NEK11: variants seen among roughly 807,000 people sequenced by gnomAD.
NEK11 encodes the protein serine/threonine-protein kinase Nek11.
NEK11 carries 72 observed loss-of-function variants against 80.7 expected under a neutral mutation model. The ratio of observed to expected loss-of-function variants is 0.89; its 90% CI spans 0.74 to 1.08. The LOEUF (loss-of-function observed/expected upper bound fraction) is 1.08. Ranked by LOEUF, NEK11 falls within the 50% of genes least tolerant of loss-of-function variation. NEK11 has a pLI of 0.00. For synonymous variants in NEK11, 251 were observed against 260.7 expected, an observed-to-expected ratio of 0.96 and a Z score of 0.36; for missense variants, 764 against 763.6, an observed-to-expected ratio of 1.00 and a Z score of -0.01.
intron 16 of NEK11, among the ~76,000 whole-genome samples, chr3:131,257,713 G>A (rs2095841674): frequency 3.3e-5 from 5 of 152,108 alleles, no homozygotes; most frequent in Admixed American, 3.3e-4. Context: ...AAGTGAGAAC[G>A]CATCCTGGTG....
chr3:131,232,066 T>C (rs941544364), intron 15 of NEK11, among the ~76,000 whole-genome samples: 2 of 152,182 alleles, frequency 1.3e-5, no homozygotes, highest in Admixed American at 1.3e-4. Flanking sequence ...AAGCACCTAA[T>C]TGCTGATGAT....
chr3:131,331,335 T>G (rs887858322), intron 17 of NEK11, among the ~76,000 whole-genome samples: 2 of 152,202 alleles, frequency 1.3e-5, no homozygotes, highest in African/African-American at 4.8e-5. Context: ...ATTTTTAAGT[T>G]CTGATGCTTT....
chr3:131,332,014 G>A (rs1263376160), intron 17 of NEK11, among the ~76,000 whole-genome samples: 2 of 152,226 alleles, frequency 1.3e-5, no homozygotes, highest in African/African-American at 4.8e-5. Flanking sequence ...GCCTGCCTCT[G>A]TAGGCTCCAC....
At chr3:131,175,587 G>A (rs2092959006) in intron 14 of NEK11, among the ~76,000 whole-genome samples, 1 of 152,122 alleles carries the variant, frequency 6.6e-6, no homozygotes, top group Non-Finnish European at 1.5e-5. Flanking sequence ...GTGGTTGCCT[G>A]GGGGTGGTAG....
intron 3 of NEK11, among the ~76,000 whole-genome samples, chr3:131,063,250 C>G (rs1184953022): frequency 6.6e-6 from 1 of 152,138 alleles, no homozygotes; most frequent in African/African-American, 2.4e-5. Flanking sequence ...GTCTGAAGCT[C>G]CTGGACTTAA....
At chr3:131,298,459 C>G (rs1442527299) in intron 17 of NEK11, among the ~76,000 whole-genome samples, 2 of 152,168 alleles carry the variant, frequency 1.3e-5, no homozygotes, top group Admixed American at 6.5e-5. Flanking sequence ...TGATTTGGCT[C>G]TCTGTCAGCC....
chr3:131,098,557 C>T (rs945488179), intron 4 of NEK11, among the ~76,000 whole-genome samples: 1 of 150,422 alleles, frequency 6.6e-6, no homozygotes, highest in African/African-American at 2.4e-5. Context: ...TGAGGAGTGC[C>T]TGTTCATGTC....
chr3:131,274,798 C>T (rs1264229899), intron 17 of NEK11, among the ~76,000 whole-genome samples: 2 of 151,408 alleles, frequency 1.3e-5, no homozygotes, highest in East Asian at 1.9e-4. Context: ...GGACTACAGG[C>T]GCCTGCCACC....
At chr3:131,167,006 A>G (rs2092297215) in intron 12 of NEK11, among the ~76,000 whole-genome samples, 1 of 152,216 alleles carries the variant, frequency 6.6e-6, no homozygotes, top group African/African-American at 2.4e-5. Flanking sequence ...GGCTGACAGA[A>G]TTATAAGAAT....
chr3:131,157,991 C>G (rs2090958461), intron 10 of NEK11, among the ~76,000 whole-genome samples: 2 of 152,048 alleles, frequency 1.3e-5, no homozygotes, highest in Admixed American at 6.5e-5. Context: ...GGAGACCATC[C>G]CCCTAGGCTT....
At chr3:131,159,584 G>A (rs913319032) in intron 10 of NEK11, among the ~76,000 whole-genome samples, 1 of 152,148 alleles carries the variant, frequency 6.6e-6, no homozygotes, top group Non-Finnish European at 1.5e-5. Flanking sequence ...TGGCCAACAT[G>A]GGGAAACCCC....
At chr3:131,110,249 A>G (rs2149350346) in intron 5 of NEK11, among the ~76,000 whole-genome samples, 1 of 152,262 alleles carries the variant, frequency 6.6e-6, no homozygotes, top group Non-Finnish European at 1.5e-5. Context: ...CTATGAATTT[A>G]TTGTATCTTA....
At chr3:131,195,084 C>T (rs554431219) in intron 14 of NEK11, among the ~76,000 whole-genome samples, 3 of 152,258 alleles carry the variant, frequency 2.0e-5, no homozygotes, top group African/African-American at 7.2e-5. Flanking sequence ...GTCTCCTGCC[C>T]GCAACGAGTT....
At chr3:131,318,633 G>A (rs960956224) in intron 17 of NEK11, among the ~76,000 whole-genome samples, 1 of 151,818 alleles carries the variant, frequency 6.6e-6, no homozygotes, top group Non-Finnish European at 1.5e-5. Context: ...ACGCTTGTGT[G>A]GTGAGCTCTC....
chr3:131,060,063 T>C (rs894318466), intron 3 of NEK11, among the ~76,000 whole-genome samples: 20 of 152,212 alleles, frequency 1.3e-4, no homozygotes, highest in Admixed American at 9.2e-4. Context: ...CACTGGGCCC[T>C]ATGTGACTGC....
In NEK11 at chr3:131,193,094, A is replaced by G. The variant is rs555442409; in HGVS notation, c.1399+22207A>G. ...TAGTCACTTAAAAATAACAGTAATA[A>G]ATCTATACATATTAACATAAATTGC... On this transcript the variant is annotated intron_variant, in intron 14 of 17. Transcript: ENST00000383366. 2.0e-5 allele frequency among the ~76,000 whole-genome samples: 3 copies of G among 152,294 alleles called. No individual in the cohort carries two copies. In the East Asian group the frequency reaches 5.8e-4, roughly 29 times the overall value.
chr3:131,210,863 G>A (rs1486352009), intron 14 of NEK11, among the ~76,000 whole-genome samples: 2 of 152,082 alleles, frequency 1.3e-5, no homozygotes, highest in Non-Finnish European at 1.5e-5. Flanking sequence ...GAGCCTATGT[G>A]TGTCTCTGAA....
chr3:131,304,901 G>A (rs2096706639), intron 17 of NEK11, among the ~76,000 whole-genome samples: 1 of 152,106 alleles, frequency 6.6e-6, no homozygotes, highest in Non-Finnish European at 1.5e-5. Flanking sequence ...CAGCTGGGGT[G>A]GAGCACCATT....
chr3:131,118,418 T>C (rs1161087888), intron 5 of NEK11, among the ~76,000 whole-genome samples: 2 of 152,190 alleles, frequency 1.3e-5, no homozygotes, highest in Admixed American at 1.3e-4. Flanking sequence ...TCCTCAGGGA[T>C]ATTGGTCTAA....
Sources: gnomAD v4.1 joint callset for allele counts (sites outside exome capture counted in the v4.1 genomes callset) on GRCh38, gnomAD v4.1.1 for gene constraint, MANE v1.5 for transcripts, NCBI Gene and HGNC (gene_info 2026-07-23, HGNC 2026-07-21) for gene names.